Variants in ACER3 observed in about 807,000 individuals in gnomAD.
ACER3 encodes alkCDase 3.
Under a neutral mutation model 48.9 loss-of-function variants are expected in ACER3, and 16 were observed. The observed-to-expected ratio is 0.33, with a 90% CI of 0.22 to 0.50. ACER3 has a LOEUF of 0.50. ACER3 is among the 20% of genes least tolerant of loss of function. The pLI, the probability that ACER3 is intolerant of heterozygous loss-of-function variation, is 0.98. For synonymous variants in ACER3, 109 were observed against 107.8 expected (o/e 1.01, Z -0.07); for missense variants, 227 against 326.0 (o/e 0.70, Z 2.34).
intron 3 of ACER3, among the ~76,000 whole-genome samples, chr11:76,972,183 G>C (rs7118398): frequency 0.4 from 60,955 of 152,108 alleles, 14,950 homozygotes; most frequent in Non-Finnish European, 0.56. Flanking sequence ...GAACTGCCAG[G>C]CTGTTTTTGA....
intron 1 of ACER3, among the ~76,000 whole-genome samples, chr11:76,904,610 A>G (rs1427818013): frequency 6.6e-6 from 1 of 152,152 alleles, no homozygotes; most frequent in Non-Finnish European, 1.5e-5. Flanking sequence ...CTCATATTTG[A>G]GTCAGAATAA....
chr11:76,868,623 CAG>C (rs954233113), intron 1 of ACER3, among the ~76,000 whole-genome samples: 1 of 152,178 alleles, frequency 6.6e-6, no homozygotes, highest in African/African-American at 2.4e-5. Flanking sequence ...ACCCTCATTA[CAG>C]AGAGAGTCCT....
At chr11:76,965,069 T>A (rs1457031152) in intron 3 of ACER3, among the ~76,000 whole-genome samples, 3 of 150,360 alleles carry the variant, frequency 2.0e-5, no homozygotes, top group Non-Finnish European at 1.5e-5. Context: ...TGAAAAAAAA[T>A]AAGATGAATG....
At chr11:76,934,697 G>A (rs1304814656) in intron 2 of ACER3, among the ~76,000 whole-genome samples, 3 of 129,226 alleles carry the variant, frequency 2.3e-5, no homozygotes, top group Admixed American at 6.9e-5. Context: ...GAGGGAGACC[G>A]TGGGGAGACG....
rs948491271 is a variant in ACER3 at position 76,921,660 on chromosome 11, A to G, written c.104-4897A>G. ...GTCTTGGCTCTTCTTAGCCTTTTGT[A>G]TTTCATATAAAGTTAAGAGTCAGCT... On this transcript the variant is annotated intron_variant, in intron 1 of 10. Coordinates refer to ENST00000532485, the MANE Select transcript of ACER3 (RefSeq NM_018367.7). 2.0e-5 allele frequency among the ~76,000 whole-genome samples: 3 copies of G among 152,066 alleles called. No individual in the cohort carries two copies. In the East Asian group the frequency reaches 5.8e-4, roughly 29 times the overall value.
rs1417222857 is a variant in ACER3 at position 77,021,131 on chromosome 11, T to C, written c.*804T>C. ...GTCACTGTTTCTACGGCTAGACAAA[T>C]ATGACTGGTGGTCTAGACTACCCAT... is the stretch of plus-strand genomic sequence containing the variant. On this transcript the variant is annotated 3_prime_UTR_variant, in exon 11 of 11. Transcript: ENST00000532485. 3 of 152,228 alleles carry C rather than the reference T, an allele frequency of 2.0e-5. No homozygotes were observed. Among genetic ancestry groups the C allele is most frequent in the African/African-American group, 7.2e-5 (3 of 41,466 alleles). The allele number at this position is 152,228 out of a possible 1,614,324, so 9.4% of individuals were successfully genotyped here.
At chr11:76,907,495 G>A (rs931760574) in intron 1 of ACER3, among the ~76,000 whole-genome samples, 1 of 152,186 alleles carries the variant, frequency 6.6e-6, no homozygotes, top group Non-Finnish European at 1.5e-5. Flanking sequence ...ATGTATGTAT[G>A]TGATTTTCTT....
chr11:76,990,407 A>G (rs1948774719), intron 5 of ACER3, 132 bp from the exon 6 acceptor site: 10 of 727,694 alleles, frequency 1.4e-5, no homozygotes, highest in Non-Finnish European at 2.5e-5. Flanking sequence ...GATTGCTTTT[A>G]CATGGCTAGA....
intron 2 of ACER3, among the ~76,000 whole-genome samples, chr11:76,951,173 T>G (rs72639139): frequency 0.11 from 16,115 of 152,254 alleles, 1,072 homozygotes; most frequent in East Asian, 0.36. Flanking sequence ...AGCCTTAAGT[T>G]ACAACTTATT....
chr11:76,939,077 G>T (rs10899327), intron 2 of ACER3, among the ~76,000 whole-genome samples: 86,832 of 151,970 alleles, frequency 0.57, 28,006 homozygotes, highest in Non-Finnish European at 0.74. Flanking sequence ...ATTTTAACAT[G>T]TGGTATAAAA....
intron 1 of ACER3, among the ~76,000 whole-genome samples, chr11:76,888,028 G>C (rs1240221427): frequency 6.6e-6 from 1 of 151,998 alleles, no homozygotes; most frequent in East Asian, 1.9e-4. Context: ...ATGTTGCCCA[G>C]GCCGGTCTTG....
At chr11:76,891,565 G>T (rs1471710532) in intron 1 of ACER3, among the ~76,000 whole-genome samples, 1 of 152,130 alleles carries the variant, frequency 6.6e-6, no homozygotes. Context: ...ACCCAAAGAG[G>T]GGGTTGGAGG....
At chr11:76,898,932 A>AAAAAAAAC (rs1946008977) in intron 1 of ACER3, among the ~76,000 whole-genome samples, 1 of 131,430 alleles carries the variant, frequency 7.6e-6, no homozygotes, top group African/African-American at 2.6e-5. Flanking sequence ...AAAAAAAAAA[A>AAAAAAAAC]TCCTCGTTGG....
rs1949519041 is a variant in ACER3, at chr11:77,024,295, A to AAAAAAAAAAAAAAAAAAAAAAAAAAT, written c.*3974_*3975insAAAAAAAAAAAAAAAAAAATAAAAAA. The AAAAAAAAAAAAAAAAAAAAAAAAAAT allele has an allele frequency of 7.0e-6, 1 of 143,762 alleles. No individual in the cohort carries two copies. Among genetic ancestry groups the AAAAAAAAAAAAAAAAAAAAAAAAAAT allele is most frequent in the Non-Finnish European group, 1.5e-5 (1 of 67,914 alleles). The allele number at this position is 143,762 out of a possible 1,614,324, so 8.9% of individuals were successfully genotyped here. A position where few individuals can be genotyped will look rare whatever the true frequency, so the allele number is the denominator to read the frequency against. On this transcript the variant is annotated 3_prime_UTR_variant, in exon 11 of 11. Coordinates refer to ENST00000532485, the MANE Select transcript of ACER3 (RefSeq NM_018367.7). The stretch of plus-strand genomic sequence containing the variant: ...CTCAAAAAAAAAAAAAAAAAAAAAA[A>AAAAAAAAAAAAAAAAAAAAAAAAAAT]AAAAAAGAATTAGGAAATACTTGTT...
At chr11:76,938,466 G>A (rs568698110) in intron 2 of ACER3, among the ~76,000 whole-genome samples, 3 of 151,714 alleles carry the variant, frequency 2.0e-5, no homozygotes, top group South Asian at 2.1e-4. Context: ...CTACAGGTGC[G>A]CACCACTACA....
chr11:76,975,869 CTTTTCTTT>C (rs1300226102), intron 3 of ACER3, among the ~76,000 whole-genome samples: 7 of 88,750 alleles, frequency 7.9e-5, no homozygotes, highest in Non-Finnish European at 1.4e-4. Context: ...ACCTTTTTTT[CTTTTCTTT>C]TTTTTTTTTT....
chr11:77,019,594 C>T, intron 9 of ACER3, 137 bp from the exon 10 acceptor site: 1 of 726,316 alleles, frequency 1.4e-6, no homozygotes, highest in Non-Finnish European at 2.4e-6. Context: ...AAAACAGTTG[C>T]TGAACAAATG....
intron 3 of ACER3, among the ~76,000 whole-genome samples, chr11:76,969,148 C>T (rs1258952999): frequency 1.3e-5 from 2 of 152,304 alleles, no homozygotes; most frequent in South Asian, 4.1e-4. Context: ...TGAACAGACA[C>T]TTCTCAAAAG....
rs141637896 is a variant in ACER3 at position 76,972,311 on chromosome 11, T to C, written c.268-3978T>C. 1.4e-4 allele frequency among the ~76,000 whole-genome samples: 22 copies of C among 152,354 alleles called. 1 individual carries two copies. In the East Asian group the frequency reaches 4.2e-3, roughly 29 times the overall value. The stretch of plus-strand genomic sequence containing the variant: ...GGGTATGAAGTAGTTTCTCTCATTG[T>C]GGCTTTGATTTGCATTTCCTTAATG... On this transcript the variant is annotated intron_variant, in intron 3 of 10. Transcript: ENST00000532485.
Sources: allele counts gnomAD v4.1 joint callset (sites outside exome capture counted in the v4.1 genomes callset), GRCh38; gene constraint gnomAD v4.1.1; transcripts MANE v1.5; gene names NCBI Gene and HGNC (gene_info 2026-07-23, HGNC 2026-07-21).